LHFPL6: variants seen among roughly 807,000 people sequenced by gnomAD.
LHFPL6 encodes LHFPL tetraspan subfamily member 6 protein.
In LHFPL6, 9 loss-of-function variants were observed where a neutral mutation model predicts 20.6. The observed-to-expected ratio is 0.44, with a 90% CI of 0.26 to 0.76. The LOEUF (loss-of-function observed/expected upper bound fraction) is 0.76. Among genes scored for constraint, LHFPL6 ranks in the 30% least tolerant of loss-of-function variants. The probability of loss-of-function intolerance (pLI) is 0.20; values close to 1 mark genes in which losing one functional copy is unlikely to be tolerated. For synonymous variants in LHFPL6, 105 were observed against 98.7 expected (o/e 1.06, Z -0.38); for missense variants, 218 against 253.5 (o/e 0.86, Z 0.95).
chr13:39,469,561 G>A (rs1872893817), intron 2 of LHFPL6, among the ~76,000 whole-genome samples: 1 of 152,030 alleles, frequency 6.6e-6, no homozygotes, highest in Non-Finnish European at 1.5e-5. Context: ...TCACCTTGAG[G>A]GAAAACAAAT....
chr13:39,538,014 G>A (rs573189805), intron 2 of LHFPL6, among the ~76,000 whole-genome samples: 8 of 137,410 alleles, frequency 5.8e-5, no homozygotes, highest in South Asian at 2.3e-4. Flanking sequence ...TTTTTGAGAC[G>A]GAGTCTTACT....
chr13:39,510,388 A>G (rs1162075792), intron 2 of LHFPL6, among the ~76,000 whole-genome samples: 1 of 152,210 alleles, frequency 6.6e-6, no homozygotes, highest in Non-Finnish European at 1.5e-5. Context: ...GGGCAAACTG[A>G]GGTGGCGATG....
chr13:39,374,602 G>T (rs1870242208), intron 3 of LHFPL6, among the ~76,000 whole-genome samples: 1 of 152,078 alleles, frequency 6.6e-6, no homozygotes, highest in Non-Finnish European at 1.5e-5. Context: ...TTAAGTAGCT[G>T]CAATAGAGAC....
chr13:39,443,484 G>T (rs1872194722), intron 2 of LHFPL6, among the ~76,000 whole-genome samples: 1 of 152,160 alleles, frequency 6.6e-6, no homozygotes, highest in Non-Finnish European at 1.5e-5. Flanking sequence ...ATTGGGTAAT[G>T]CATAGAGGCT....
chr13:39,537,465 G>A (rs980400586), intron 2 of LHFPL6, among the ~76,000 whole-genome samples: 2 of 152,296 alleles, frequency 1.3e-5, no homozygotes, highest in South Asian at 2.1e-4. Flanking sequence ...TCATGCCAGG[G>A]AAGTAGACTA....
At chr13:39,589,168 G>A (rs780516673) in intron 2 of LHFPL6, among the ~76,000 whole-genome samples, 3 of 151,932 alleles carry the variant, frequency 2.0e-5, no homozygotes, top group Non-Finnish European at 2.9e-5. Flanking sequence ...GTGCAGTGGC[G>A]CCACCTCGGT....
intron 2 of LHFPL6, among the ~76,000 whole-genome samples, chr13:39,447,738 G>A (rs1872330161): frequency 6.6e-6 from 1 of 152,184 alleles, no homozygotes; most frequent in Non-Finnish European, 1.5e-5. Flanking sequence ...GAGGAAAAGG[G>A]AAGGATGCAA....
chr13:39,435,257 A>C (rs537144986), intron 2 of LHFPL6, among the ~76,000 whole-genome samples: 9 of 152,142 alleles, frequency 5.9e-5, no homozygotes, highest in African/African-American at 1.9e-4. Context: ...GAAACAACAG[A>C]TGACAAAGTA....
intron 2 of LHFPL6, among the ~76,000 whole-genome samples, chr13:39,546,599 C>T (rs1372892745): frequency 1.3e-5 from 2 of 152,084 alleles, no homozygotes; most frequent in East Asian, 3.9e-4. Flanking sequence ...TTTACAACTG[C>T]ACTAATCTGT....
chr13:39,416,751 T>C (rs571128765), intron 2 of LHFPL6, among the ~76,000 whole-genome samples: 1 of 152,294 alleles, frequency 6.6e-6, no homozygotes, highest in African/African-American at 2.4e-5. Context: ...TTTTAAACAT[T>C]TATAATTCTG....
chr13:39,475,916 AAG>A (rs1873074414), intron 2 of LHFPL6, among the ~76,000 whole-genome samples: 1 of 152,136 alleles, frequency 6.6e-6, no homozygotes, highest in Admixed American at 6.5e-5. Context: ...CCCTATCCCC[AAG>A]AAGATCATCC....
intron 3 of LHFPL6, among the ~76,000 whole-genome samples, chr13:39,363,995 C>T (rs1241891675): frequency 3.9e-5 from 6 of 152,278 alleles, no homozygotes; most frequent in Admixed American, 2.0e-4. Flanking sequence ...CTTACACAAA[C>T]GTAGATGTAT....
intron 2 of LHFPL6, among the ~76,000 whole-genome samples, chr13:39,593,830 A>G (rs960063047): frequency 1.3e-5 from 2 of 152,172 alleles, no homozygotes; most frequent in African/African-American, 4.8e-5. Context: ...CAACTATCTG[A>G]TCTTTGACAA....
rs111364446 is a variant in LHFPL6 at position 39,482,581 on chromosome 13, G to A, written c.386-104055C>T. ...ATGAACAGAAAGATTGTTGAGGAAG[G>A]AGAAATAATCAATCGTGTCAAATGC... On this transcript the variant is annotated intron_variant, in intron 2 of 3. Coordinates refer to ENST00000379589, the MANE Select transcript of LHFPL6 (RefSeq NM_005780.3). 2.4e-3 allele frequency among the ~76,000 whole-genome samples: 370 copies of A among 152,310 alleles called. 2 individuals are homozygous for A. Among genetic ancestry groups the A allele is most frequent in the African/African-American group, 8.1e-3 (337 of 41,570 alleles).
At chr13:39,376,923 C>G (rs1870306482) in intron 3 of LHFPL6, among the ~76,000 whole-genome samples, 5 of 152,138 alleles carry the variant, frequency 3.3e-5, no homozygotes, top group Admixed American at 3.3e-4. Flanking sequence ...GCAGCAGAAG[C>G]AGGAAAGTCT....
intron 2 of LHFPL6, among the ~76,000 whole-genome samples, chr13:39,471,575 T>C (rs551997653): frequency 6.6e-6 from 1 of 152,362 alleles, no homozygotes; most frequent in East Asian, 1.9e-4. Flanking sequence ...CATACCTCTC[T>C]GTCTCCCAGT....
intron 2 of LHFPL6, among the ~76,000 whole-genome samples, chr13:39,379,847 A>G (rs768771231): frequency 6.6e-6 from 1 of 152,198 alleles, no homozygotes; most frequent in Non-Finnish European, 1.5e-5. Context: ...GGCCTTCTAT[A>G]TGCAAGGCAG....
chr13:39,597,981 C>T (rs561255185), intron 2 of LHFPL6, among the ~76,000 whole-genome samples: 287 of 152,340 alleles, frequency 1.9e-3, no homozygotes, highest in Non-Finnish European at 2.5e-3. Context: ...TTTTGCCATT[C>T]TCCTGTTTCC....
chr13:39,569,994 C>A (rs935039864), intron 2 of LHFPL6, among the ~76,000 whole-genome samples: 3 of 152,174 alleles, frequency 2.0e-5, no homozygotes, highest in African/African-American at 7.2e-5. Flanking sequence ...GAAATTCTTA[C>A]ATTCTTTTCA....
Sources: allele counts gnomAD v4.1 joint callset (sites outside exome capture counted in the v4.1 genomes callset), GRCh38; gene constraint gnomAD v4.1.1; transcripts MANE v1.5; gene names NCBI Gene and HGNC (gene_info 2026-07-23, HGNC 2026-07-21).